SLC39A11: variants seen among roughly 807,000 people sequenced by gnomAD.
The protein encoded by SLC39A11 is zinc transporter ZIP11.
In SLC39A11, 33 loss-of-function variants were observed where a neutral mutation model predicts 36.1. The ratio of observed to expected loss-of-function variants is 0.91; its 90% CI spans 0.69 to 1.22. The LOEUF is 1.22. Among genes scored for constraint, SLC39A11 ranks in the 50% most tolerant of loss-of-function variants. SLC39A11 has a pLI of 0.00. For synonymous variants in SLC39A11, 166 were observed against 170.3 expected, an observed-to-expected ratio of 0.97 and a Z score of 0.20; for missense variants, 432 against 430.3, an observed-to-expected ratio of 1.00 and a Z score of -0.03.
intron 3 of SLC39A11, among the ~76,000 whole-genome samples, chr17:73,056,711 C>T (rs909498702): frequency 3.3e-5 from 5 of 152,076 alleles, no homozygotes; most frequent in African/African-American, 1.2e-4. Flanking sequence ...GACAGGGAGT[C>T]ATGGGTTCAC....
intron 7 of SLC39A11, among the ~76,000 whole-genome samples, chr17:72,723,294 TTTTC>T (rs2073781272): frequency 6.8e-6 from 1 of 146,402 alleles, no homozygotes; most frequent in African/African-American, 2.6e-5. Context: ...CCTCCCAGGA[TTTTC>T]TTTGTCTTTG....
chr17:72,817,080 T>C (rs776360897), intron 6 of SLC39A11, among the ~76,000 whole-genome samples: 1 of 136,840 alleles, frequency 7.3e-6, no homozygotes, highest in Admixed American at 7.4e-5. Context: ...TGTGTCTCAG[T>C]CCATTTGTGT....
intron 5 of SLC39A11, among the ~76,000 whole-genome samples, chr17:72,879,828 C>T (rs2081103090): frequency 6.6e-6 from 1 of 152,238 alleles, no homozygotes; most frequent in Non-Finnish European, 1.5e-5. Context: ...TCCAGTGAAA[C>T]TGGCAAATGC....
At position 72,758,409 on chromosome 17, in the gene SLC39A11, T is replaced by C. The variant is rs551179973; in HGVS notation, c.602-21690A>G. ...ATCAACATTCCCTCTTTACCCGTTT[T>C]AACAGAATTCTCATTTTGTTCGGTA... On this transcript the variant is annotated intron_variant, in intron 6 of 9. Transcript: ENST00000255559. Among the ~76,000 whole-genome samples, 40 of 152,352 alleles carry C rather than the reference T, an allele frequency of 2.6e-4. No individual in the cohort carries two copies. In the South Asian group the frequency reaches 8.3e-3, roughly 32 times the overall value.
intron 5 of SLC39A11, among the ~76,000 whole-genome samples, chr17:72,898,006 G>A (rs1320970752): frequency 6.6e-6 from 1 of 152,144 alleles, no homozygotes; most frequent in Admixed American, 6.6e-5. Flanking sequence ...AAAAACCCCA[G>A]TCAGGAAGGA....
chr17:72,953,432 T>TA (rs1368494245), intron 4 of SLC39A11, among the ~76,000 whole-genome samples: 4 of 152,036 alleles, frequency 2.6e-5, no homozygotes, highest in East Asian at 3.9e-4. Flanking sequence ...TGCCTTACAT[T>TA]AAACCAAAAA....
chr17:72,798,604 C>T (rs1401350319), intron 6 of SLC39A11, among the ~76,000 whole-genome samples: 4 of 151,756 alleles, frequency 2.6e-5, no homozygotes, highest in Non-Finnish European at 5.9e-5. Flanking sequence ...AGGCTGGTCT[C>T]GAAATTCTGA....
intron 4 of SLC39A11, among the ~76,000 whole-genome samples, chr17:73,020,839 C>T (rs751676365): frequency 6.6e-6 from 1 of 151,932 alleles, no homozygotes; most frequent in Admixed American, 6.6e-5. Context: ...CGTGCCACCA[C>T]ACCCGGCTAA....
chr17:72,871,327 G>C (rs930225610), intron 5 of SLC39A11, among the ~76,000 whole-genome samples: 5 of 152,052 alleles, frequency 3.3e-5, no homozygotes, highest in African/African-American at 1.2e-4. Flanking sequence ...CTCCCAAAGT[G>C]CTAGGATTAT....
At chr17:73,034,084 C>G (rs967027761) in intron 3 of SLC39A11, among the ~76,000 whole-genome samples, 1 of 152,206 alleles carries the variant, frequency 6.6e-6, no homozygotes, top group East Asian at 1.9e-4. Context: ...AGGGCTCCCC[C>G]TCCCTGCTAC....
At chr17:73,049,352 A>G (rs1217463642) in intron 3 of SLC39A11, among the ~76,000 whole-genome samples, 1 of 150,890 alleles carries the variant, frequency 6.6e-6, no homozygotes, top group East Asian at 1.9e-4. Context: ...GGTTGGGACC[A>G]GGAGCAGCTG....
At chr17:72,970,828 T>C (rs144354955) in intron 4 of SLC39A11, among the ~76,000 whole-genome samples, 1 of 152,306 alleles carries the variant, frequency 6.6e-6, no homozygotes, top group Non-Finnish European at 1.5e-5. Context: ...GGAGAAACAG[T>C]GGAAAACTTA....
At chr17:72,943,027 G>A (rs1383473216) in intron 5 of SLC39A11, among the ~76,000 whole-genome samples, 2 of 152,182 alleles carry the variant, frequency 1.3e-5, no homozygotes, top group East Asian at 1.9e-4. Context: ...GCACCTAAGG[G>A]AGGATGTTTA....
At chr17:72,780,645 C>T (rs993717564) in intron 6 of SLC39A11, among the ~76,000 whole-genome samples, 1 of 152,130 alleles carries the variant, frequency 6.6e-6, no homozygotes, top group African/African-American at 2.4e-5. Context: ...TTTCGCTTTG[C>T]TCTCCACTCT....
rs2070681938 is a variant in SLC39A11, at chr17:72,665,324, C to CA, written c.672-16057dup. 4.0e-5 allele frequency among the ~76,000 whole-genome samples: 6 copies of CA among 150,872 alleles called. No individual in the cohort carries two copies. The South Asian group carries it at 1.3e-3, about 32-fold the overall frequency. ...CAGGACCACTCAGCAAAACCACTCTCAGATTCTTAACCCATAAAAAAATTG... is the reference window on the plus strand; with the variant it reads ...CAGGACCACTCAGCAAAACCACTCTCAAGATTCTTAACCCATAAAAAAATTG... On this transcript the variant is annotated intron_variant, in intron 7 of 9. Transcript: ENST00000255559.
Position 72,719,050 on chromosome 17 carries a change from G to T in SLC39A11, c.671+17600C>A, listed in dbSNP as rs111228134. Among the ~76,000 whole-genome samples, 405 of 150,968 alleles carry T rather than the reference G, an allele frequency of 2.7e-3. 1 individual carries two copies. The highest frequency in any genetic ancestry group is 9.5e-3 in the African/African-American group (386 of 40,822). On this transcript the variant is annotated intron_variant, in intron 7 of 9. Transcript: ENST00000255559. ...GCTTAAGAGTTGAAGACCAGCCTTG[G>T]CAACATGGCAAAACCCCGAATCTAC...
intron 7 of SLC39A11, among the ~76,000 whole-genome samples, chr17:72,677,364 C>T (rs1205680542): frequency 6.6e-6 from 1 of 152,218 alleles, no homozygotes; most frequent in Non-Finnish European, 1.5e-5. Flanking sequence ...TGCTACATCA[C>T]AGCAGATGCT....
At chr17:72,935,670 G>A (rs535364630) in intron 5 of SLC39A11, among the ~76,000 whole-genome samples, 2 of 152,240 alleles carry the variant, frequency 1.3e-5, no homozygotes, top group South Asian at 2.1e-4. Flanking sequence ...TCTACCTCCC[G>A]GGTCCCGGTT....
chr17:72,721,119 C>T (rs1005017757), intron 7 of SLC39A11, among the ~76,000 whole-genome samples: 1 of 126,350 alleles, frequency 7.9e-6, no homozygotes, highest in Non-Finnish European at 1.6e-5. Flanking sequence ...AGTTTTGAGA[C>T]AAGGTCTTGC....
Sources: gnomAD v4.1 joint callset for allele counts (sites outside exome capture counted in the v4.1 genomes callset) on GRCh38, gnomAD v4.1.1 for gene constraint, MANE v1.5 for transcripts, NCBI Gene and HGNC (gene_info 2026-07-23, HGNC 2026-07-21) for gene names.